DCDC2C: variants seen among roughly 807,000 people sequenced by gnomAD.
DCDC2C encodes doublecortin domain-containing protein 2C.
Under a neutral mutation model 45.0 loss-of-function variants are expected in DCDC2C, and 44 were observed. The ratio of observed to expected loss-of-function variants is 0.98; its 90% CI spans 0.77 to 1.26. The LOEUF is 1.26. DCDC2C is among the 50% of genes most tolerant of loss of function. The pLI is 0.00. For missense variants in DCDC2C, 447 were observed against 468.9 expected (o/e 0.95, Z 0.43); for synonymous variants, 187 against 178.8 (o/e 1.05, Z -0.37).
chr2:3,841,290 G>A (rs989256780), intron 10 of DCDC2C, among the ~76,000 whole-genome samples: 1 of 146,526 alleles, frequency 6.8e-6, no homozygotes, highest in Non-Finnish European at 1.5e-5. Flanking sequence ...GCACACAGAC[G>A]CACGGCAAGG....
At chr2:3,739,601 T>C (rs7571681) in intron 3 of DCDC2C, among the ~76,000 whole-genome samples, 8,798 of 151,980 alleles carry the variant, frequency 0.058, 809 homozygotes, top group African/African-American at 0.2. Flanking sequence ...GTTAGAGGAG[T>C]GCTGGGGTTC....
Position 3,848,007 on chromosome 2 carries a change from T to C in DCDC2C, c.*824T>C. ...AATTAAACCTCTTTTCTTCATAAAT[T>C]ACCCAGTCTCAGGTAGTTCATTATA... On this transcript the variant is annotated 3_prime_UTR_variant, in exon 11 of 11. Transcript: ENST00000399143. Among the ~76,000 whole-genome samples the C allele has an allele frequency of 6.6e-6, 1 of 152,220 alleles. No homozygotes were observed. The highest frequency in any genetic ancestry group is 1.5e-5 in the Non-Finnish European group (1 of 68,032).
At chr2:3,831,980 C>T (rs12622317) in intron 10 of DCDC2C, among the ~76,000 whole-genome samples, 7,718 of 152,252 alleles carry the variant, frequency 0.051, 238 homozygotes, top group East Asian at 0.15. Context: ...GGTTCTGTTG[C>T]GTCATGTGCA....
intron 3 of DCDC2C, among the ~76,000 whole-genome samples, 191 bp downstream of exon 3, chr2:3,727,270 G>A (rs1668718038): frequency 6.6e-6 from 1 of 150,520 alleles, no homozygotes; most frequent in South Asian, 2.1e-4. Flanking sequence ...TGATTCAGCT[G>A]TTCATGTGCT....
intron 10 of DCDC2C, among the ~76,000 whole-genome samples, chr2:3,827,686 T>C (rs1472730258): frequency 6.6e-6 from 1 of 152,206 alleles, no homozygotes; most frequent in Non-Finnish European, 1.5e-5. Flanking sequence ...AGAAAAGACA[T>C]CATTCAGTGT....
chr2:3,712,541 C>T (rs114684499), intron 2 of DCDC2C, among the ~76,000 whole-genome samples: 7,018 of 151,346 alleles, frequency 0.046, 247 homozygotes, highest in East Asian at 0.096. Flanking sequence ...GAAGCTGAGG[C>T]GGGAGGATCA....
intron 4 of DCDC2C, among the ~76,000 whole-genome samples, chr2:3,752,332 A>G (rs1669564833): frequency 6.6e-6 from 1 of 152,208 alleles, no homozygotes; most frequent in African/African-American, 2.4e-5. Flanking sequence ...AGGATTACTG[A>G]GTAAAAAGTA....
At chr2:3,802,266 A>G (rs993396232) in intron 10 of DCDC2C, among the ~76,000 whole-genome samples, 2 of 152,140 alleles carry the variant, frequency 1.3e-5, no homozygotes, top group Non-Finnish European at 2.9e-5. Flanking sequence ...CCTTCTGGCA[A>G]TTTTTCTGAA....
chr2:3,729,902 G>A (rs190542425), intron 3 of DCDC2C, among the ~76,000 whole-genome samples: 125 of 152,250 alleles, frequency 8.2e-4, no homozygotes, highest in Middle Eastern at 6.8e-3. Context: ...GTATCTCAGC[G>A]CAGGAGTTGG....
chr2:3,765,625 T>G (rs1669991638), intron 6 of DCDC2C, among the ~76,000 whole-genome samples: 1 of 152,230 alleles, frequency 6.6e-6, no homozygotes, highest in Non-Finnish European at 1.5e-5. Context: ...CTGGCATTAT[T>G]CACCTGTTCA....
At chr2:3,800,093 G>A (rs564417484) in intron 10 of DCDC2C, among the ~76,000 whole-genome samples, 93 of 152,340 alleles carry the variant, frequency 6.1e-4, no homozygotes, top group African/African-American at 2.1e-3. Context: ...TAAGCCCGTT[G>A]GAAAAGCGCA....
At chr2:3,737,507 G>GA (rs1201130702) in intron 3 of DCDC2C, among the ~76,000 whole-genome samples, 1 of 152,180 alleles carries the variant, frequency 6.6e-6, no homozygotes, top group Admixed American at 6.5e-5. Context: ...ATTTCGGAGA[G>GA]AAACAGCACA....
intron 4 of DCDC2C, among the ~76,000 whole-genome samples, chr2:3,745,381 T>C (rs73910354): frequency 0.026 from 4,024 of 152,290 alleles, 175 homozygotes; most frequent in African/African-American, 0.091. Flanking sequence ...AACAGAATAT[T>C]TGAAGGGTAA....
At chr2:3,715,158 A>G (rs1668317238) in intron 2 of DCDC2C, among the ~76,000 whole-genome samples, 1 of 152,196 alleles carries the variant, frequency 6.6e-6, no homozygotes, top group Non-Finnish European at 1.5e-5. Context: ...CTATTTAATG[A>G]TGTATCATGA....
intron 10 of DCDC2C, chr2:3,844,197 A>T (rs1467905426): frequency 3.9e-5 from 6 of 152,482 alleles, no homozygotes. Context: ...CTAAGACAAG[A>T]AGAATAAACA....
intron 10 of DCDC2C, among the ~76,000 whole-genome samples, chr2:3,794,561 T>C (rs1002968325): frequency 6.6e-6 from 1 of 150,786 alleles, no homozygotes; most frequent in African/African-American, 2.4e-5. Flanking sequence ...TTCCCCTTCC[T>C]GTGTCCATGT....
intron 6 of DCDC2C, among the ~76,000 whole-genome samples, chr2:3,755,459 G>A (rs1290565118): frequency 2.6e-5 from 1 of 39,070 alleles, no homozygotes; most frequent in Non-Finnish European, 5.9e-5. Context: ...GAATGCATGT[G>A]TGTGTATGGA....
At chr2:3,779,186 T>C (rs1429231683) in intron 9 of DCDC2C, among the ~76,000 whole-genome samples, 2 of 152,238 alleles carry the variant, frequency 1.3e-5, no homozygotes, top group African/African-American at 4.8e-5. Context: ...TACTTTTAGC[T>C]GGGAACGTCC....
At chr2:3,795,291 G>A (rs1300854306) in intron 10 of DCDC2C, among the ~76,000 whole-genome samples, 1 of 150,318 alleles carries the variant, frequency 6.7e-6, no homozygotes, top group Non-Finnish European at 1.5e-5. Context: ...AGGAGGTTGC[G>A]AAAATTTTCT....
Sources: allele counts gnomAD v4.1 joint callset (sites outside exome capture counted in the v4.1 genomes callset), GRCh38; gene constraint gnomAD v4.1.1; transcripts MANE v1.5; gene names NCBI Gene and HGNC (gene_info 2026-07-23, HGNC 2026-07-21).